Variants in NBEA observed in about 807,000 individuals in gnomAD.
NBEA encodes the protein neurobeachin, also known as lysosomal-trafficking regulator 2.
NBEA carries 44 observed loss-of-function variants against 343.4 expected under a neutral mutation model. That is an observed-to-expected ratio of 0.13 (90% confidence interval 0.10 to 0.16). The LOEUF (loss-of-function observed/expected upper bound fraction) is 0.16, where lower values mean the gene tolerates loss of function less well. Ranked by LOEUF, NBEA falls within the 10% of genes least tolerant of loss-of-function variation. The pLI, the probability that NBEA is intolerant of heterozygous loss-of-function variation, is 1.00. For missense variants in NBEA, 2,555 were observed against 3,631.3 expected, an observed-to-expected ratio of 0.70 and a Z score of 7.62; for synonymous variants, 1,175 against 1,238.7, an observed-to-expected ratio of 0.95 and a Z score of 1.08.
At chr13:35,519,640 T>A (rs918254305) in intron 41 of NBEA, among the ~76,000 whole-genome samples, 3 of 152,196 alleles carry the variant, frequency 2.0e-5, no homozygotes, top group South Asian at 2.1e-4. Flanking sequence ...TTATTTTTTT[T>A]AAATTTTAAA....
chr13:35,113,962 A>G (rs1480791219), intron 13 of NBEA, among the ~76,000 whole-genome samples: 1 of 152,144 alleles, frequency 6.6e-6, no homozygotes, highest in Admixed American at 6.6e-5. Flanking sequence ...GGATTATGGG[A>G]CAAATGCCCA....
Position 35,159,824 on chromosome 13 carries a change from G to T in NBEA, c.3653G>T (p.Ser1218Ile), listed in dbSNP as rs775117591. 6.2e-7 allele frequency: 1 copy of T among 1,610,106 alleles called. No individual in the cohort carries two copies. Among genetic ancestry groups the T allele is most frequent in the Non-Finnish European group, 8.5e-7 (1 of 1,178,014 alleles). ...ATCCATACAACTTCAGATGGAATGA[G>T]CAGTATTTCTGAAAGAGACTTAGCG... ...FKIHTTSDGM[S>I]SISERDLASS... The change falls in exon 22 of 59, where the codon AGC (serine) becomes ATC (isoleucine). Residue 1218 changes from serine (S) to isoleucine (I), a missense_variant. By Grantham distance (142) the Ser-to-Ile change is moderately radical (BLOSUM62 -2). Coordinates refer to ENST00000379939, the MANE Select transcript of NBEA (RefSeq NM_001385012.1).
chr13:35,258,770 G>A (rs2032917640), intron 34 of NBEA, among the ~76,000 whole-genome samples: 1 of 152,146 alleles, frequency 6.6e-6, no homozygotes, highest in Non-Finnish European at 1.5e-5. Flanking sequence ...GACTTACAAT[G>A]ATTTAATATG....
intron 34 of NBEA, chr13:35,251,515 A>G (rs912111659): frequency 1.4e-5 from 16 of 1,104,592 alleles, no homozygotes; most frequent in African/African-American, 1.7e-5. Context: ...AGCAGCGGCC[A>G]CCTCTGGGCT....
At chr13:35,039,293 C>G (rs891960163) in intron 1 of NBEA, among the ~76,000 whole-genome samples, 8 of 152,024 alleles carry the variant, frequency 5.3e-5, no homozygotes, top group Non-Finnish European at 8.8e-5. Context: ...GTGTCTCTTT[C>G]AGTGATACGA....
chr13:35,026,648 T>C (rs1460400806), intron 1 of NBEA, among the ~76,000 whole-genome samples: 1 of 152,128 alleles, frequency 6.6e-6, no homozygotes, highest in Non-Finnish European at 1.5e-5. Flanking sequence ...ATTCTTTCAA[T>C]TGGCCAGCTA....
In NBEA at chr13:35,265,519, A is replaced by G. The variant is rs73489546; in HGVS notation, c.5777-24870A>G. 7.7e-3 allele frequency among the ~76,000 whole-genome samples: 1,169 copies of G among 152,034 alleles called. 17 individuals carry two copies. The highest frequency in any genetic ancestry group is 0.026 in the African/African-American group (1,100 of 41,538). On this transcript the variant is annotated intron_variant, in intron 34 of 58. Transcript: ENST00000379939. ...ATGGTACTGACATAAAAATAGACAT[A>G]CATACCAATAGGATAGAAAGATAGC...
At position 35,024,397 on chromosome 13, in the gene NBEA, C is replaced by T. The variant is rs894753331; in HGVS notation, c.295-16536C>T. The stretch of plus-strand genomic sequence containing the variant: ...GGTCAGAGGGTAATTTTGGGCCCGG[C>T]GTGGTGGCTCATGCCTGTAATCTCA... On this transcript the variant is annotated intron_variant, in intron 1 of 58. Transcript: ENST00000379939. Among the ~76,000 whole-genome samples the T allele has an allele frequency of 5.3e-5, 8 of 152,004 alleles. No individual in the cohort carries two copies. In the South Asian group the frequency reaches 1.5e-3, roughly 28 times the overall value.
chr13:35,136,679 G>A (rs547100613), intron 17 of NBEA, among the ~76,000 whole-genome samples: 7 of 152,310 alleles, frequency 4.6e-5, no homozygotes, highest in African/African-American at 1.7e-4. Context: ...GTTGAATTCA[G>A]TGCCAAAAGA....
At chr13:35,069,048 A>C (rs1390213898) in intron 8 of NBEA, among the ~76,000 whole-genome samples, 1 of 152,166 alleles carries the variant, frequency 6.6e-6, no homozygotes, top group Non-Finnish European at 1.5e-5. Flanking sequence ...TTTGCTCAGC[A>C]TGAAAAAGAT....
At chr13:34,963,966 C>G (rs1302580611) in intron 1 of NBEA, among the ~76,000 whole-genome samples, 1 of 151,694 alleles carries the variant, frequency 6.6e-6, no homozygotes, top group Admixed American at 6.6e-5. Context: ...AATGCTTTAC[C>G]CTATGACTTT....
In NBEA at chr13:34,943,006, C is replaced by T. The variant is rs2059078145; in HGVS notation, c.186C>T (p.Asn62=). ...TGATGCTCCCCGCGGGGATGATTAA[C>T]CCTTCGGTGCCGATCCGCAACATCC... ...GSVMLPAGMI[N]PSVPIRNIRM... Residue 62 remains asparagine, a synonymous_variant, in exon 1 of 59, where the codon AAC becomes AAT. Coordinates refer to ENST00000379939, the MANE Select transcript of NBEA (RefSeq NM_001385012.1). 1.2e-6 allele frequency: 2 copies of T among 1,612,070 alleles called. No individual in the cohort carries two copies. Among genetic ancestry groups the T allele is most frequent in the Non-Finnish European group, 1.7e-6 (2 of 1,179,158 alleles).
At chr13:35,028,942 C>G (rs904027622) in intron 1 of NBEA, among the ~76,000 whole-genome samples, 1 of 151,638 alleles carries the variant, frequency 6.6e-6, no homozygotes, top group Non-Finnish European at 1.5e-5. Context: ...TAGCATGTAT[C>G]AGAACTTCAT....
intron 55 of NBEA, among the ~76,000 whole-genome samples, chr13:35,664,590 T>A (rs2085259535): frequency 6.6e-6 from 1 of 152,258 alleles, no homozygotes; most frequent in Non-Finnish European, 1.5e-5. Flanking sequence ...TCAGCTGGAC[T>A]TTTTAGCTAG....
intron 1 of NBEA, among the ~76,000 whole-genome samples, chr13:35,028,528 C>T (rs1299993138): frequency 2.0e-5 from 3 of 151,810 alleles, no homozygotes; most frequent in Non-Finnish European, 4.4e-5. Flanking sequence ...TGAATGGTTA[C>T]AGAGATGTTT....
At chr13:35,537,855 A>C (rs2078633418) in intron 41 of NBEA, among the ~76,000 whole-genome samples, 1 of 152,198 alleles carries the variant, frequency 6.6e-6, no homozygotes, top group African/African-American at 2.4e-5. Flanking sequence ...TGTTGTGTGC[A>C]CCACTAACCC....
chr13:35,344,266 A>T (rs1038844929), intron 36 of NBEA, among the ~76,000 whole-genome samples: 2 of 152,120 alleles, frequency 1.3e-5, no homozygotes, highest in African/African-American at 4.8e-5. Context: ...AAAATGAAAC[A>T]TGAAGATAAA....
At position 34,988,729 on chromosome 13, in the gene NBEA, G is replaced by A. The variant is rs1027574819; in HGVS notation, c.294+45615G>A. Among the ~76,000 whole-genome samples the A allele has an allele frequency of 6.0e-5, 9 of 151,118 alleles. No individual in the cohort carries two copies. In the East Asian group the frequency reaches 7.7e-4, roughly 13 times the overall value. ...TGTATTTGGTGATACTTCTTGTCTC[G>A]ACGTTTACTTTATCTAATAGTTATA... On this transcript the variant is annotated intron_variant, in intron 1 of 58. Coordinates refer to ENST00000379939, the MANE Select transcript of NBEA (RefSeq NM_001385012.1).
rs117418814 is a variant in NBEA at position 35,173,862 on chromosome 13, C to A, written c.4554+268C>A. On this transcript the variant is annotated intron_variant, in intron 27 of 58. Transcript: ENST00000379939. ...TAATTAGCACTAAAAACTGTTATTT[C>A]TATTTTTAATAGTCATATATTTTCA... 4.4e-3 allele frequency among the ~76,000 whole-genome samples: 663 copies of A among 152,208 alleles called. 4 individuals carry two copies. The highest frequency in any genetic ancestry group is 8.2e-3 in the Non-Finnish European group (556 of 67,988).
Sources: gnomAD v4.1 joint callset for allele counts (sites outside exome capture counted in the v4.1 genomes callset) on GRCh38, gnomAD v4.1.1 for gene constraint, MANE v1.5 for transcripts, NCBI Gene and HGNC (gene_info 2026-07-23, HGNC 2026-07-21) for gene names.